The following CADPS2 variants were observed in gnomAD, a reference collection of about 807,000 sequenced individuals.
CADPS2 encodes the protein calcium-dependent secretion activator 2.
CADPS2 carries 93 observed loss-of-function variants against 172.5 expected under a neutral mutation model. That is an observed-to-expected ratio of 0.54 (90% CI 0.46 to 0.64). The LOEUF is 0.64. Among genes scored for constraint, CADPS2 ranks in the 30% least tolerant of loss-of-function variants. The probability of loss-of-function intolerance (pLI) is 0.00; values close to 1 mark genes in which losing one functional copy is unlikely to be tolerated. For missense variants in CADPS2, 1,420 were observed against 1,565.9 expected, an observed-to-expected ratio of 0.91 and a Z score of 1.57; for synonymous variants, 546 against 555.2, an observed-to-expected ratio of 0.98 and a Z score of 0.23.
chr7:122,727,029 G>T (rs1014283890), intron 2 of CADPS2, among the ~76,000 whole-genome samples: 6 of 151,866 alleles, frequency 4.0e-5, no homozygotes, highest in Non-Finnish European at 7.4e-5. Flanking sequence ...GCAGTGCCAC[G>T]GCTCAGAATT....
intron 3 of CADPS2, among the ~76,000 whole-genome samples, chr7:122,660,775 G>A (rs561313459): frequency 6.6e-6 from 1 of 152,096 alleles, no homozygotes; most frequent in South Asian, 2.1e-4. Flanking sequence ...CAGGCATGGT[G>A]GTGTGGTGCC....
chr7:122,428,571 G>A (rs1248094471), intron 17 of CADPS2, among the ~76,000 whole-genome samples: 2 of 151,354 alleles, frequency 1.3e-5, no homozygotes, highest in East Asian at 3.9e-4. Flanking sequence ...AGGTTCAAGC[G>A]ATACTCCTGC....
At chr7:122,684,448 T>TAC (rs1434556482) in intron 2 of CADPS2, among the ~76,000 whole-genome samples, 21 of 152,194 alleles carry the variant, frequency 1.4e-4, no homozygotes, top group South Asian at 6.2e-4. Context: ...TATATATATA[T>TAC]ACACACATAT....
chr7:122,339,214 C>T (rs984858528), intron 28 of CADPS2, among the ~76,000 whole-genome samples: 5 of 152,122 alleles, frequency 3.3e-5, no homozygotes, highest in Non-Finnish European at 7.4e-5. Flanking sequence ...TGAAAAAGTA[C>T]ATTATCAGCT....
intron 7 of CADPS2, among the ~76,000 whole-genome samples, chr7:122,579,389 T>C (rs181702583): frequency 5.1e-4 from 77 of 150,532 alleles, no homozygotes; most frequent in African/African-American, 1.8e-3. Context: ...AGAAAAGTTG[T>C]CTTTCTAGTA....
intron 28 of CADPS2, among the ~76,000 whole-genome samples, chr7:122,335,433 G>T (rs1240316238): frequency 6.6e-6 from 1 of 152,218 alleles, no homozygotes; most frequent in South Asian, 2.1e-4. Flanking sequence ...ATTTTTAATA[G>T]AGATGGAGTT....
At chr7:122,460,609 G>T (rs2054325910) in intron 14 of CADPS2, among the ~76,000 whole-genome samples, 1 of 151,924 alleles carries the variant, frequency 6.6e-6, no homozygotes, top group Admixed American at 6.6e-5. Context: ...ACAAAAAAAT[G>T]CTAATTGCAT....
chr7:122,697,968 C>A (rs2085382690), intron 2 of CADPS2: 6 of 1,613,234 alleles, frequency 3.7e-6, no homozygotes, highest in Admixed American at 1.7e-5. Context: ...TTAGAACTTG[C>A]AAAGGTTCTG....
intron 8 of CADPS2, among the ~76,000 whole-genome samples, chr7:122,535,180 T>C (rs2062131640): frequency 6.6e-6 from 1 of 152,056 alleles, no homozygotes; most frequent in African/African-American, 2.4e-5. Context: ...GAGAAAAGTA[T>C]TTTGTATTAG....
chr7:122,469,669 G>C (rs1482198966), intron 14 of CADPS2, among the ~76,000 whole-genome samples: 6 of 152,092 alleles, frequency 3.9e-5, no homozygotes, highest in Admixed American at 3.9e-4. Flanking sequence ...TTTATTGTAG[G>C]CTGAGAAATG....
At chr7:122,702,672 G>A (rs2086348042) in intron 2 of CADPS2, 2 of 1,613,062 alleles carry the variant, frequency 1.2e-6, no homozygotes, top group Non-Finnish European at 1.7e-6. Flanking sequence ...GGAAAGCTAA[G>A]TAGTAGAAAG....
At chr7:122,747,462 T>A (rs2092765428) in intron 1 of CADPS2, among the ~76,000 whole-genome samples, 1 of 152,176 alleles carries the variant, frequency 6.6e-6, no homozygotes. Context: ...AGAAACAGTA[T>A]GATATCCCCT....
chr7:122,365,635 C>T (rs2040751936), intron 25 of CADPS2, among the ~76,000 whole-genome samples: 2 of 152,128 alleles, frequency 1.3e-5, no homozygotes, highest in South Asian at 4.1e-4. Context: ...GCTGTCTGTT[C>T]TCCTGAGGGT....
intron 1 of CADPS2, among the ~76,000 whole-genome samples, chr7:122,752,583 A>C (rs1217529615): frequency 6.6e-6 from 1 of 152,220 alleles, no homozygotes. Context: ...TACATAACCC[A>C]AAGACATAGA....
intron 1 of CADPS2, among the ~76,000 whole-genome samples, chr7:122,881,813 G>A (rs1204088761): frequency 6.6e-6 from 1 of 152,074 alleles, no homozygotes; most frequent in African/African-American, 2.4e-5. Context: ...TTTCTTTAGG[G>A]GAATAAGGTG....
chr7:122,577,788 A>G (rs2068239791), intron 7 of CADPS2, among the ~76,000 whole-genome samples: 1 of 152,072 alleles, frequency 6.6e-6, no homozygotes, highest in Non-Finnish European at 1.5e-5. Context: ...AATGAGTAAG[A>G]GTTTCTGTTC....
chr7:122,328,129 G>GCATACACACA (rs1386859635), intron 28 of CADPS2, among the ~76,000 whole-genome samples: 1 of 38,230 alleles, frequency 2.6e-5, no homozygotes, highest in African/African-American at 8.7e-5. Context: ...ACAGTAAAAT[G>GCATACACACA]CAGACACACA....
At chr7:122,739,362 A>C (rs1241275677) in intron 1 of CADPS2, among the ~76,000 whole-genome samples, 2 of 152,218 alleles carry the variant, frequency 1.3e-5, no homozygotes, top group African/African-American at 2.4e-5. Context: ...TATTTTATCA[A>C]AGATATCTTT....
intron 6 of CADPS2, among the ~76,000 whole-genome samples, chr7:122,583,778 T>C (rs1027332259): frequency 2.0e-5 from 3 of 151,224 alleles, no homozygotes; most frequent in African/African-American, 7.3e-5. Context: ...CAATATCATA[T>C]ACATAACATA....
Sources: allele counts gnomAD v4.1 joint callset (sites outside exome capture counted in the v4.1 genomes callset), GRCh38; gene constraint gnomAD v4.1.1; transcripts MANE v1.5; gene names NCBI Gene and HGNC (gene_info 2026-07-23, HGNC 2026-07-21).